Variants in ATG2A observed in about 807,000 individuals in gnomAD.
The protein encoded by ATG2A is autophagy related 2A, also known as autophagy-related protein 2 homolog A.
Under a neutral mutation model 214.2 loss-of-function variants are expected in ATG2A, and 103 were observed. That is an observed-to-expected ratio of 0.48 (90% confidence interval 0.41 to 0.57). The LOEUF is 0.57. ATG2A is among the 20% of genes least tolerant of loss of function. ATG2A has a pLI of 0.00. For synonymous variants in ATG2A, 1,160 were observed against 1,142.1 expected (o/e 1.02, Z -0.32); for missense variants, 2,312 against 2,613.2 (o/e 0.88, Z 2.51).
In ATG2A at chr11:64,907,729, G is replaced by T; in HGVS notation, c.2507+19C>A. 1.9e-6 allele frequency: 3 copies of T among 1,612,480 alleles called. No individual in the cohort carries two copies. The highest frequency in any genetic ancestry group is 2.5e-6 in the Non-Finnish European group (3 of 1,179,668). ...CCCACCCAGTGTCCAGTCCCGCCCTGCTGGCCCCGGGTCTCCACCTGTTGT... is the reference window on the plus strand; with the variant it reads ...CCCACCCAGTGTCCAGTCCCGCCCTTCTGGCCCCGGGTCTCCACCTGTTGT... On this transcript the variant is annotated intron_variant, in intron 17 of 40. Coordinates refer to ENST00000377264, the MANE Select transcript of ATG2A (RefSeq NM_015104.3).
At position 64,897,910 on chromosome 11, in the gene ATG2A, G is replaced by A; in HGVS notation, c.4923C>T (p.Thr1641=). The A allele has an allele frequency of 1.9e-6, 3 of 1,561,780 alleles. No individual in the cohort carries two copies. The highest frequency in any genetic ancestry group is 4.5e-5 in the East Asian group (2 of 44,478). Residue 1641 remains threonine (T), a synonymous_variant, in exon 35 of 41, where the codon ACC becomes ACT. Transcript: ENST00000377264. The stretch of plus-strand genomic sequence containing the variant: ...CTCCTGGGGCCTCCTGCGAACCAGT[G>A]GTCTCTACGCCTTCGGCCTGCCCTT... ...PLEGQAEGVE[T]TGSQEAPGGG... is the part of the protein sequence containing the mutation.
chr11:64,895,026 C>A lies in ATG2A; in HGVS notation c.5764G>T (p.Asp1922Tyr). The change falls in exon 41 of 41, where the codon GAC becomes TAC. Residue 1922 changes from aspartate (D) to tyrosine (Y), a missense_variant. Transcript: ENST00000377264. This position sits in a 1 kb window ranked among gnomAD's most constrained non-coding sequence, Gnocchi z 5.0. The part of the protein sequence containing the change: ...LGGMRNQIVP[D>Y]AHKDHALKWR... ...TTGAGGGCGTGGTCCTTGTGGGCGT[C>A]GGGGACAATCTGGTTGCGCATGCCC... The A allele has an allele frequency of 1.9e-6, 3 of 1,613,234 alleles. No individual in the cohort carries two copies. Among genetic ancestry groups the A allele is most frequent in the Non-Finnish European group, 2.5e-6 (3 of 1,179,574 alleles).
Position 64,900,594 on chromosome 11 carries a change from G to C in ATG2A, c.4364C>G (p.Pro1455Arg). 1 of 1,612,552 alleles carries C rather than the reference G, an allele frequency of 6.2e-7. No homozygotes were observed. Among genetic ancestry groups the C allele is most frequent in the Non-Finnish European group, 8.5e-7 (1 of 1,179,550 alleles). The change falls in exon 31 of 41, where the codon CCT becomes CGT. Residue 1455 changes from proline to arginine, a missense_variant. Physicochemically the swap from Pro to Arg is moderately radical, Grantham distance 103 (BLOSUM62 -2). Transcript: ENST00000377264. ...CCGGTTGGGGCCAGAGCAGCGGGAA[G>C]GGGAGCTCCTGGGACCTGAGAGGCC... Reference protein sequence around the residue: ...RTGLSGPRSSPSRCSGPNRPQ... With the variant: ...RTGLSGPRSSRSRCSGPNRPQ...
rs1203633020 is a variant in ATG2A at position 64,902,534 on chromosome 11, C to T, written c.3759G>A (p.Thr1253=). Residue 1253 remains threonine (T), a synonymous_variant, in exon 27 of 41, where the codon ACG becomes ACA. Coordinates refer to ENST00000377264, the MANE Select transcript of ATG2A (RefSeq NM_015104.3). ...CCTGTACCTTCTGGCCGGCGATCTCCGTGGGGCTGGGGGGCCGGGGTGGGG... is the reference window on the plus strand; with the variant it reads ...CCTGTACCTTCTGGCCGGCGATCTCTGTGGGGCTGGGGGGCCGGGGTGGGG... ...LHPPPRPPSP[T]EIAGQKLSES... 8.8e-5 allele frequency: 72 copies of T among 815,300 alleles called. No individual in the cohort carries two copies. Among genetic ancestry groups the T allele is most frequent in the Non-Finnish European group, 1.3e-4 (70 of 542,084 alleles). 50.5% of individuals were successfully genotyped at this position (815,300 alleles called of 1,614,324 possible). A position where few individuals can be genotyped will look rare whatever the true frequency, so the allele number is the denominator to read the frequency against.
chr11:64,913,839 A>C lies in ATG2A; in HGVS notation c.572T>G (p.Val191Gly). The C allele has an allele frequency of 6.2e-7, 1 of 1,613,448 alleles. No homozygotes were observed. Among genetic ancestry groups the C allele is most frequent in the Non-Finnish European group, 8.5e-7 (1 of 1,179,950 alleles). ...CCCTTACCTCTGCACACGGACCTCG[A>C]CGGCCACACCACGTTCCCCATCACC... ...SPGDGERGVA[V>G]EVRVQRLEYC... Residue 191 changes from valine to glycine, a missense_variant, in exon 4 of 41, where the codon GTC (valine) becomes GGC (glycine). Coordinates refer to ENST00000377264, the MANE Select transcript of ATG2A (RefSeq NM_015104.3). The surrounding 1 kb of genome is among the most constrained non-coding windows in gnomAD (Gnocchi z 4.3).
chr11:64,898,727 T>C lies in ATG2A; in HGVS notation c.4580A>G (p.Glu1527Gly). The change falls in exon 32 of 41, where the codon GAG (glutamate) becomes GGG (glycine). Residue 1527 changes from glutamate to glycine, a missense_variant. Glu to Gly is a moderately conservative substitution (Grantham distance 98, BLOSUM62 -2). Transcript: ENST00000377264. The surrounding 1 kb of genome is among the most constrained non-coding windows in gnomAD (Gnocchi z 4.5). Reference protein sequence around the residue: ...SRQVFIVQELEVRDRLASSQI... With the variant: ...SRQVFIVQELGVRDRLASSQI... ...GGAGGAGGCGAGCCGGTCTCGGACC[T>C]CCAGCTCCTGCACGATGAACACCTG... 6.2e-7 allele frequency: 1 copy of C among 1,614,094 alleles called. No homozygotes were observed. Among genetic ancestry groups the C allele is most frequent in the Non-Finnish European group, 8.5e-7 (1 of 1,180,020 alleles).
chr11:64,912,047 T>C (rs1480662793), intron 8 of ATG2A, 38 bp downstream of exon 8: 2 of 1,612,630 alleles, frequency 1.2e-6, no homozygotes, highest in African/African-American at 1.3e-5. Context: ...GCACCCACAC[T>C]AGCTGCCCCT....
At position 64,907,832 on chromosome 11, in the gene ATG2A, A is replaced by T. The variant is rs1462925275; in HGVS notation, c.2423T>A (p.Leu808Gln). Residue 808 changes from leucine (L) to glutamine (Q), a missense_variant, in exon 17 of 41, where the codon CTG (leucine) becomes CAG (glutamine). Coordinates refer to ENST00000377264, the MANE Select transcript of ATG2A (RefSeq NM_015104.3). ...MRTFQSRTLA[L>Q]SRCSLEVILP... ...GATCACTTCCAGGCTGCAGCGGGAC[A>T]GTGCCAGGGTCCGGCTCTGGAACGT... 2.0e-5 allele frequency: 33 copies of T among 1,613,326 alleles called. No individual in the cohort carries two copies. The highest frequency in any genetic ancestry group is 2.6e-5 in the Non-Finnish European group (31 of 1,179,986).
Position 64,906,454 on chromosome 11 carries a change from G to C in ATG2A, c.3063C>G (p.Ile1021Met), listed in dbSNP as rs138233175. 1.2e-4 allele frequency: 201 copies of C among 1,613,358 alleles called. No homozygotes were observed. The highest frequency in any genetic ancestry group is 1.6e-4 in the Non-Finnish European group (187 of 1,180,008). Residue 1021 changes from isoleucine (I) to methionine (M), a missense_variant, in exon 21 of 41, where the codon ATC becomes ATG. By Grantham distance (10) the Ile-to-Met change is conservative (BLOSUM62 1). Transcript: ENST00000377264. ...CGGTCACCCCTTCCTCCGATGGGTA[G>C]ATGGTTGGGGCCAGCTGAGCCGGGG... ...FAPPAQLAPTIYPSEEGVTER... is the reference protein window; with the variant it reads ...FAPPAQLAPTMYPSEEGVTER...
Position 64,902,064 on chromosome 11 carries a change from T to C in ATG2A, c.4017A>G (p.Ser1339=), listed in dbSNP as rs763661792. ...PVGGPAGSLG[S]CSEEKEDERE... Reference sequence around the variant, plus strand: ...TTTCATCTTCCTTCTCCTCTGAGCATGACCCTAAGCTGCCAGCAGGGCCCC... The same window carrying C: ...TTTCATCTTCCTTCTCCTCTGAGCACGACCCTAAGCTGCCAGCAGGGCCCC... The change falls in exon 29 of 41, where the codon TCA becomes TCG. Residue 1339 remains serine (S), a synonymous_variant. Transcript: ENST00000377264. The C allele has an allele frequency of 1.4e-5, 22 of 1,613,934 alleles. No individual in the cohort carries two copies. In the African/African-American group the frequency reaches 2.4e-4, roughly 18 times the overall value.
rs781238538 is a variant in ATG2A at position 64,907,582 on chromosome 11, C to G, written c.2590G>C (p.Gly864Arg). Residue 864 changes from glycine (G) to arginine (R), a missense_variant, in exon 18 of 41, where the codon GGC (glycine) becomes CGC (arginine). Gly to Arg is a moderately radical substitution (Grantham distance 125). Transcript: ENST00000377264. Reference sequence around the variant, plus strand: ...CTGTCGTGCCAGAAGCCTGAGGGGCCGGGGAAGCCCGAGGGCTGGGCGGCG... The same window carrying G: ...CTGTCGTGCCAGAAGCCTGAGGGGCGGGGGAAGCCCGAGGGCTGGGCGGCG... The part of the protein sequence containing the change: ...DPAAQPSGFP[G>R]PSGFWHDSFK... 4.4e-6 allele frequency: 7 copies of G among 1,595,152 alleles called. No homozygotes were observed. The highest frequency in any genetic ancestry group is 6.0e-6 in the Non-Finnish European group (7 of 1,172,236).
In ATG2A at chr11:64,895,490, G is replaced by T; in HGVS notation, c.5428-48C>A. ...ATGAGGACAGCTGGCTGGGGCACAC[G>T]TCAGCCCCAGGCCCCCAGGACAGTC... is the stretch of plus-strand genomic sequence containing the variant. On this transcript the variant is annotated intron_variant, in intron 39 of 40. Transcript: ENST00000377264. The surrounding 1 kb of genome is among the most constrained non-coding windows in gnomAD (Gnocchi z 5.0). The T allele has an allele frequency of 1.3e-6, 2 of 1,481,974 alleles. No homozygotes were observed. The highest frequency in any genetic ancestry group is 2.7e-5 in the South Asian group (2 of 74,024). The allele number at this position is 1,481,974 out of a possible 1,614,324, so 91.8% of individuals were successfully genotyped here.
At chr11:64,909,551 C>T (rs941312866) in intron 14 of ATG2A, 130 bp downstream of exon 14, 1 of 1,490,122 alleles carries the variant, frequency 6.7e-7, no homozygotes, top group African/African-American at 1.4e-5. Context: ...AGTGCTGGGA[C>T]CCCAAGAGCT....
chr11:64,898,868 A>C lies in ATG2A; in HGVS notation c.4465-26T>G. The C allele has an allele frequency of 6.3e-7, 1 of 1,595,146 alleles. No individual in the cohort carries two copies. The highest frequency in any genetic ancestry group is 1.1e-5 in the South Asian group (1 of 90,678). ...CTGTGGGGTGGACAGAGGCCTGGCC[A>C]GGTAAGCAGGGCCCCAAGAGGGAGG... On this transcript the variant is annotated intron_variant, in intron 31 of 40. Transcript: ENST00000377264. The surrounding 1 kb of genome is among the most constrained non-coding windows in gnomAD (Gnocchi z 4.5).
intron 12 of ATG2A, 67 bp downstream of exon 12, chr11:64,910,549 T>C (rs375069256): frequency 6.6e-7 from 1 of 1,520,932 alleles, no homozygotes; most frequent in Middle Eastern, 1.9e-4. Context: ...GAGGAGGCCC[T>C]GGCAGAGGCC....
intron 6 of ATG2A, 110 bp downstream of exon 6, chr11:64,912,928 A>G: frequency 1.2e-6 from 1 of 808,878 alleles, no homozygotes; most frequent in East Asian, 2.8e-5. Flanking sequence ...AGAAGGAAGT[A>G]AATCCCGCAC....
chr11:64,905,825 C>G lies in ATG2A; in HGVS notation c.3288G>C (p.Leu1096=). Residue 1096 remains leucine, a synonymous_variant, in exon 23 of 41, where the codon CTG becomes CTC. Coordinates refer to ENST00000377264, the MANE Select transcript of ATG2A (RefSeq NM_015104.3). The part of the protein sequence containing the change: ...HSQLLEFLDV[L]DDPVLGYLPP... ...GCAGGTAGCCCAGCACAGGGTCATC[C>G]AGCACGTCTAGGAACTCCAACAACT... 6.2e-7 allele frequency: 1 copy of G among 1,613,590 alleles called. No individual in the cohort carries two copies. The highest frequency in any genetic ancestry group is 1.3e-5 in the African/African-American group (1 of 75,040).
chr11:64,905,497 A>C (rs1944509255), intron 24 of ATG2A, 66 bp downstream of exon 24: 2 of 1,465,240 alleles, frequency 1.4e-6, no homozygotes, highest in African/African-American at 1.4e-5. Flanking sequence ...ACCAGAGGAC[A>C]CACAGCTGGC....
In ATG2A at chr11:64,913,877, C is replaced by T; in HGVS notation, c.534G>A (p.Val178=). The T allele has an allele frequency of 6.2e-7, 1 of 1,614,058 alleles. No homozygotes were observed. Residue 178 remains valine, a synonymous_variant, in exon 4 of 41, where the codon GTG becomes GTA. Transcript: ENST00000377264. This position sits in a 1 kb window ranked among gnomAD's most constrained non-coding sequence, Gnocchi z 4.3. ...GTTCCCCATCACCCGGAGAGTGCTC[C>T]ACCCTCACGACAGTGTCCAGGAAGG... ...KVTFLDTVVR[V]EHSPGDGERG...
Sources: gnomAD v4.1 joint callset for allele counts on GRCh38, gnomAD v4.1.1 for gene constraint, Gnocchi (gnomAD v3.1) non-coding constraint, MANE v1.5 for transcripts, NCBI Gene and HGNC (gene_info 2026-07-23, HGNC 2026-07-21) for gene names.